SDAD1: variants seen among roughly 807,000 people sequenced by gnomAD.
SDAD1 encodes the protein protein SDA1 homolog.
A neutral mutation model predicts 100.3 loss-of-function variants in SDAD1; 79 were observed. The observed-to-expected ratio is 0.79, with a 90% CI of 0.66 to 0.95. The LOEUF (loss-of-function observed/expected upper bound fraction) is 0.95, where lower values mean the gene tolerates loss of function less well. Among genes scored for constraint, SDAD1 ranks in the 40% least tolerant of loss-of-function variants. The pLI is 0.00. For missense variants in SDAD1, 790 were observed against 810.9 expected, an observed-to-expected ratio of 0.97 and a Z score of 0.31; for synonymous variants, 267 against 271.4, an observed-to-expected ratio of 0.98 and a Z score of 0.16.
At chr4:75,973,445 T>C (rs914105718) in intron 7 of SDAD1, 54 bp from the exon 8 acceptor site, 1 of 1,310,814 alleles carries the variant, frequency 7.6e-7, no homozygotes, top group African/African-American at 1.4e-5. Context: ...AAATAAAGAA[T>C]AAATCCTTTT....
In SDAD1 at chr4:75,956,017, C is replaced by T; in HGVS notation, c.1974G>A (p.Gln658=). 5 of 1,602,298 alleles carry T rather than the reference C, an allele frequency of 3.1e-6. No individual in the cohort carries two copies. The highest frequency in any genetic ancestry group is 1.1e-5 in the South Asian group (1 of 87,728). ...AACGCTTATTTTTTGACCGGACATT[C>T]TGGCTATACCGCATCATCATAAAGT... is the stretch of plus-strand genomic sequence containing the variant. ...QKNFMMMRYS[Q]NVRSKNKRSF... The change falls in exon 21 of 22, where the codon CAG becomes CAA. Residue 658 remains glutamine (Q), a synonymous_variant. Transcript: ENST00000356260.
intron 1 of SDAD1, among the ~76,000 whole-genome samples, chr4:75,982,932 C>G (rs1730629838): frequency 1.3e-5 from 2 of 152,148 alleles, no homozygotes; most frequent in Non-Finnish European, 2.9e-5. Flanking sequence ...TCTCCTAATG[C>G]TATCCCTCCC....
Position 75,957,639 on chromosome 4 carries a change from C to T in SDAD1, c.1648G>A (p.Val550Ile). 6.2e-7 allele frequency: 1 copy of T among 1,614,188 alleles called. No individual in the cohort carries two copies. The highest frequency in any genetic ancestry group is 8.5e-7 in the Non-Finnish European group (1 of 1,180,040). ...TTCTGGAAGTCTTCCTGAGTTAAAA[C>T]TCGGCTAGTGCTGATGGCTGCAGCT... ...AKAAAISTSR[V>I]LTQEDFQKIR... Residue 550 changes from valine (V) to isoleucine (I), a missense_variant, in exon 19 of 22, where the codon GTT becomes ATT. Transcript: ENST00000356260.
intron 6 of SDAD1, among the ~76,000 whole-genome samples, chr4:75,974,924 C>G (rs1390268493): frequency 6.8e-6 from 1 of 147,222 alleles, no homozygotes; most frequent in Non-Finnish European, 1.5e-5. Context: ...TGCCTGTAGT[C>G]CCAGCTACTC....
intron 8 of SDAD1, among the ~76,000 whole-genome samples, chr4:75,972,166 G>T (rs1014344031): frequency 6.6e-5 from 10 of 151,914 alleles, no homozygotes; most frequent in African/African-American, 2.4e-4. Context: ...TTGAACTACT[G>T]ACCTCAAGTG....
chr4:75,957,471 T>C (rs1728963908), intron 19 of SDAD1, 47 bp downstream of exon 19: 4 of 1,611,664 alleles, frequency 2.5e-6, no homozygotes, highest in Non-Finnish European at 3.4e-6. Flanking sequence ...GATGCTTTCA[T>C]TACCACATGA....
chr4:75,963,226 G>T (rs922663387), intron 14 of SDAD1, among the ~76,000 whole-genome samples: 3 of 149,180 alleles, frequency 2.0e-5, no homozygotes, highest in Non-Finnish European at 4.5e-5. Flanking sequence ...ATATCTGAGG[G>T]CTCTGTTCTG....
intron 11 of SDAD1, among the ~76,000 whole-genome samples, chr4:75,967,570 G>A (rs1369423887): frequency 6.6e-6 from 1 of 152,136 alleles, no homozygotes; most frequent in East Asian, 1.9e-4. Flanking sequence ...AGTATATGCA[G>A]AATGAACTAG....
intron 1 of SDAD1, among the ~76,000 whole-genome samples, chr4:75,983,319 G>T (rs1185936643): frequency 6.6e-6 from 1 of 152,160 alleles, no homozygotes; most frequent in Admixed American, 6.5e-5. Context: ...GTAATGGGAT[G>T]GCTGGGTCAA....
rs1046115148 is a variant in SDAD1, at chr4:75,990,902, C to G, written c.-61G>C. The G allele has an allele frequency of 1.1e-5, 18 of 1,601,020 alleles. No homozygotes were observed. The African/African-American group carries it at 1.9e-4, about 17-fold the overall frequency. ...AAAAAAACTCAGACGGCCGGCACCC[C>G]GCAATCCCTGCCAGCTGCAGCTTGG... On this transcript the variant is annotated 5_prime_UTR_variant, in exon 1 of 22. Transcript: ENST00000356260.
chr4:75,966,054 G>A (rs996184213), intron 12 of SDAD1, among the ~76,000 whole-genome samples: 4 of 151,892 alleles, frequency 2.6e-5, no homozygotes, highest in African/African-American at 9.7e-5. Context: ...AACAGAACCC[G>A]TCCCGACACT....
chr4:75,976,425 T>C (rs761149219), intron 4 of SDAD1, among the ~76,000 whole-genome samples: 3 of 152,228 alleles, frequency 2.0e-5, no homozygotes, highest in Non-Finnish European at 4.4e-5. Context: ...ACAACATGAA[T>C]GAATCTTGGA....
intron 8 of SDAD1, among the ~76,000 whole-genome samples, chr4:75,972,650 T>TA (rs1412252543): frequency 0.018 from 2 of 112 alleles, no homozygotes; most frequent in Non-Finnish European, 0.043. Flanking sequence ...GGAAGGATAA[T>TA]TTTTTTTTTT....
At chr4:75,961,789 A>G (rs1729245363) in intron 14 of SDAD1, among the ~76,000 whole-genome samples, 2 of 152,222 alleles carry the variant, frequency 1.3e-5, no homozygotes, top group Non-Finnish European at 2.9e-5. Context: ...AGAGTGCTTC[A>G]ATAATAAATC....
At chr4:75,951,632 G>A (rs552928600) in intron 21 of SDAD1, among the ~76,000 whole-genome samples, 1 of 152,316 alleles carries the variant, frequency 6.6e-6, no homozygotes, top group Admixed American at 6.5e-5. Context: ...AAGATCCCCA[G>A]GGTAGAACTG....
chr4:75,961,083 G>C lies in SDAD1; in HGVS notation c.1301C>G (p.Thr434Ser), dbSNP rs1284610694. 6.2e-7 allele frequency: 1 copy of C among 1,614,122 alleles called. No homozygotes were observed. Among genetic ancestry groups the C allele is most frequent in the East Asian group, 2.2e-5 (1 of 44,876 alleles). ...CAGTGTTCGGAAGAGGTGAATCAAA[G>C]TTCTAGCAGACATCATTACATCTGT... ...KDKNVMMSAR[T>S]LIHLFRTLNP... The change falls in exon 16 of 22, where the codon ACT becomes AGT. Residue 434 changes from threonine to serine, a missense_variant. Thr to Ser is a moderately conservative substitution (Grantham distance 58, BLOSUM62 1). Coordinates refer to ENST00000356260, the MANE Select transcript of SDAD1 (RefSeq NM_018115.4).
At chr4:75,960,340 A>G (rs1729159684) in intron 16 of SDAD1, 148 bp from the exon 17 acceptor site, 5 of 717,734 alleles carry the variant, frequency 7.0e-6, no homozygotes, top group Non-Finnish European at 8.4e-6. Context: ...GCAGTGGTAC[A>G]ATCTCAGCTC....
Position 75,975,753 on chromosome 4 carries a change from C to T in SDAD1, c.569G>A (p.Arg190Lys). 1.2e-6 allele frequency: 2 copies of T among 1,610,470 alleles called. No homozygotes were observed. Among genetic ancestry groups the T allele is most frequent in the South Asian group, 2.2e-5 (2 of 91,034 alleles). The change falls in exon 6 of 22, where the codon AGG becomes AAG. Residue 190 changes from arginine (R) to lysine (K), a missense_variant. Physicochemically the swap from Arg to Lys is conservative, Grantham distance 26 (BLOSUM62 2). Transcript: ENST00000356260. ...AATATATATACACTACCAGATGTTC[C>T]TTCTGTAGAGTTCAATCATTACATC... ...SLDVMIELYRRNIWNDAKTVN... is the reference protein window; with the variant it reads ...SLDVMIELYRKNIWNDAKTVN...
intron 11 of SDAD1, among the ~76,000 whole-genome samples, chr4:75,968,195 G>C (rs17001289): frequency 0.01 from 1,584 of 152,236 alleles, 28 homozygotes; most frequent in African/African-American, 0.036. Flanking sequence ...AACTCAGTCT[G>C]AATGAAATTG....
Sources: allele counts gnomAD v4.1 joint callset (sites outside exome capture counted in the v4.1 genomes callset), GRCh38; gene constraint gnomAD v4.1.1; transcripts MANE v1.5; gene names NCBI Gene and HGNC (gene_info 2026-07-23, HGNC 2026-07-21).